Variants in CEP350 observed in about 807,000 individuals in gnomAD.
CEP350 encodes the protein centrosome-associated protein 350.
In CEP350, 126 loss-of-function variants were observed where a neutral mutation model predicts 331.8. That is an observed-to-expected ratio of 0.38 (90% CI 0.33 to 0.44). The LOEUF (loss-of-function observed/expected upper bound fraction) is 0.44. Ranked by LOEUF, CEP350 falls within the 20% of genes least tolerant of loss-of-function variation. CEP350 has a pLI of 1.00. For missense variants in CEP350, 3,406 were observed against 3,634.6 expected (o/e 0.94, Z 1.62); for synonymous variants, 1,200 against 1,259.5 (o/e 0.95, Z 1.00).
intron 1 of CEP350, among the ~76,000 whole-genome samples, chr1:179,965,415 G>A (rs766370064): frequency 2.0e-5 from 3 of 152,062 alleles, no homozygotes; most frequent in Non-Finnish European, 4.4e-5. Flanking sequence ...GGTCCGTTTG[G>A]TCAAGTGTCT....
rs541422219 is a variant in CEP350, at chr1:180,113,865, A to T, written c.*2704A>T. ...TATCTTTTAGAATAGCACTATCAGA[A>T]TTTAGCAGTAAACCAACATACAGGC... On this transcript the variant is annotated 3_prime_UTR_variant, in exon 38 of 38. Transcript: ENST00000367607. 19 of 152,764 alleles carry T rather than the reference A, an allele frequency of 1.2e-4. No individual in the cohort carries two copies. The highest frequency in any genetic ancestry group is 1.1e-3 in the Admixed American group (17 of 15,308). The allele number at this position is 152,764 out of a possible 1,614,324, so 9.5% of individuals were successfully genotyped here.
At chr1:179,975,394 A>G (rs1651784178) in intron 1 of CEP350, among the ~76,000 whole-genome samples, 1 of 152,202 alleles carries the variant, frequency 6.6e-6, no homozygotes, top group Admixed American at 6.5e-5. Flanking sequence ...TCTGTTTTAG[A>G]ACGATAACTT....
At position 180,093,874 on chromosome 1, in the gene CEP350, G is replaced by A. The variant is rs762399687; in HGVS notation, c.7769G>A (p.Cys2590Tyr). Residue 2590 changes from cysteine (C) to tyrosine (Y), a missense_variant, in exon 34 of 38, where the codon TGC becomes TAC. Cys to Tyr is a radical substitution (Grantham distance 194, BLOSUM62 -2). This residue lies in a region of CEP350 where 1,415 missense variants were observed against 1,512.3 expected (regional missense o/e 0.94). Coordinates refer to ENST00000367607, the MANE Select transcript of CEP350 (RefSeq NM_014810.5). ...EDCYSDERYQCYNQEQNDTEG... is the reference protein window; with the variant it reads ...EDCYSDERYQYYNQEQNDTEG... ...TGTTACTCAGATGAACGATATCAGT[G>A]CTATAATCAAGAGCAAAATGATACA... is the stretch of plus-strand genomic sequence containing the variant. 4 of 1,613,828 alleles carry A rather than the reference G, an allele frequency of 2.5e-6. No individual in the cohort carries two copies. The highest frequency in any genetic ancestry group is 2.5e-6 in the Non-Finnish European group (3 of 1,179,848).
intron 27 of CEP350, among the ~76,000 whole-genome samples, chr1:180,071,746 C>T (rs1211987344): frequency 2.0e-5 from 3 of 151,352 alleles, no homozygotes; most frequent in South Asian, 2.1e-4. Context: ...GGTGCCACTG[C>T]ACTCCAGCCT....
chr1:180,086,109 T>G (rs1377464452), intron 31 of CEP350, among the ~76,000 whole-genome samples: 1 of 152,152 alleles, frequency 6.6e-6, no homozygotes, highest in African/African-American at 2.4e-5. Context: ...TGTTAATAGA[T>G]CTGGAGAAAA....
At chr1:179,957,341 C>CA (rs1432278113) in intron 1 of CEP350, among the ~76,000 whole-genome samples, 1 of 152,020 alleles carries the variant, frequency 6.6e-6, no homozygotes, top group Non-Finnish European at 1.5e-5. Context: ...CAACATGAGG[C>CA]AAATTTTAGT....
chr1:180,065,142 G>A lies in CEP350; in HGVS notation c.5437G>A (p.Asp1813Asn). The A allele has an allele frequency of 6.2e-7, 1 of 1,610,622 alleles. No individual in the cohort carries two copies. Among genetic ancestry groups the A allele is most frequent in the Non-Finnish European group, 8.5e-7 (1 of 1,178,864 alleles). The change falls in exon 27 of 38, where the codon GAT becomes AAT. Residue 1813 changes from aspartate to asparagine, a missense_variant. By Grantham distance (23) the Asp-to-Asn change is conservative (BLOSUM62 1). Around this residue, in one of 5 missense-constraint regions of CEP350, gnomAD observed 1,415 missense variants for 1,512.3 expected, o/e 0.94. Coordinates refer to ENST00000367607, the MANE Select transcript of CEP350 (RefSeq NM_014810.5). ...CTCTCATAGTGATGATGATACAAAG[G>A]ATAATAAGGCAACCAGTCCTGGTCC... ...LDSHSDDDTK[D>N]NKATSPGPTD... is the part of the protein sequence containing the mutation.
intron 30 of CEP350, among the ~76,000 whole-genome samples, chr1:180,082,967 C>T (rs1282302057): frequency 2.0e-5 from 3 of 152,170 alleles, no homozygotes; most frequent in Admixed American, 6.5e-5. Context: ...TATGTCTTAA[C>T]TCAGTGTCAT....
intron 1 of CEP350, among the ~76,000 whole-genome samples, chr1:179,967,149 G>A (rs1651078603): frequency 6.6e-6 from 1 of 152,122 alleles, no homozygotes; most frequent in Admixed American, 6.5e-5. Context: ...ATTTTTGTAT[G>A]ATAAGTTATT....
chr1:180,006,549 A>G lies in CEP350; in HGVS notation c.1228A>G (p.Ser410Gly). ...AGTCCAAAAAGTAGCACAGTTATCA[A>G]GTACAGAATGCAGAACAGGTTAGTT... ...RKVQKVAQLS[S>G]TECRTGSSHL... Residue 410 changes from serine to glycine, a missense_variant, in exon 8 of 38, where the codon AGT becomes GGT. Physicochemically the swap from Ser to Gly is moderately conservative, Grantham distance 56. Around this residue, in one of 5 missense-constraint regions of CEP350, gnomAD observed 1,857 missense variants for 1,909.2 expected, o/e 0.97. Coordinates refer to ENST00000367607, the MANE Select transcript of CEP350 (RefSeq NM_014810.5). 2 of 1,524,778 alleles carry G rather than the reference A, an allele frequency of 1.3e-6. No homozygotes were observed. The highest frequency in any genetic ancestry group is 1.9e-5 in the Admixed American group (1 of 51,470). The allele number at this position is 1,524,778 out of a possible 1,614,324, so 94.5% of individuals were successfully genotyped here.
At chr1:180,035,807 A>C (rs1245597521) in intron 16 of CEP350, among the ~76,000 whole-genome samples, 1 of 152,194 alleles carries the variant, frequency 6.6e-6, no homozygotes, top group Non-Finnish European at 1.5e-5. Context: ...TATGTCCCCT[A>C]ACACAAAGTC....
intron 11 of CEP350, among the ~76,000 whole-genome samples, chr1:180,019,054 G>A (rs780376149): frequency 9.2e-5 from 14 of 151,936 alleles, no homozygotes; most frequent in Admixed American, 2.0e-4. Context: ...GATGAGTTTC[G>A]CCATTTTGCC....
intron 5 of CEP350, among the ~76,000 whole-genome samples, chr1:179,995,128 C>T (rs765904340): frequency 2.0e-5 from 3 of 152,214 alleles, no homozygotes; most frequent in Non-Finnish European, 4.4e-5. Flanking sequence ...CGATTAGCCA[C>T]ATATCATGTG....
chr1:180,058,260 ACTGT>A (rs1387874840), intron 25 of CEP350, among the ~76,000 whole-genome samples: 9 of 152,232 alleles, frequency 5.9e-5, no homozygotes, highest in Admixed American at 2.0e-4. Flanking sequence ...AGATATCAAC[ACTGT>A]CTGTAGAGAT....
At chr1:180,022,557 A>G in intron 12 of CEP350, 141 bp from the exon 13 acceptor site, 1 of 633,754 alleles carries the variant, frequency 1.6e-6, no homozygotes. Context: ...CATTGGATAT[A>G]AAGGTAAATA....
In CEP350 at chr1:180,042,165, C is replaced by CACAT. The variant is rs1553258538; in HGVS notation, c.4362+364_4362+367dup. Among the ~76,000 whole-genome samples the CACAT allele has an allele frequency of 6.8e-4, 103 of 151,630 alleles. 3 individuals carry two copies. The South Asian group carries it at 0.02, about 30-fold the overall frequency. On this transcript the variant is annotated intron_variant, in intron 19 of 37. Coordinates refer to ENST00000367607, the MANE Select transcript of CEP350 (RefSeq NM_014810.5). Reference sequence around the variant, plus strand: ...ACACACACACACACACACACACACACACATCTCCCTATAACCATCACCACA... The same window carrying CACAT: ...ACACACACACACACACACACACACACACATACATCTCCCTATAACCATCACCACA...
At chr1:180,071,136 G>A (rs1252431275) in intron 27 of CEP350, among the ~76,000 whole-genome samples, 3 of 121,422 alleles carry the variant, frequency 2.5e-5, no homozygotes, top group Admixed American at 9.8e-5. Context: ...GACAGAGCAC[G>A]ACTCCATCTC....
rs1487429804 is a variant in CEP350 at position 180,054,292 on chromosome 1, G to A, written c.5175-123G>A. 6.1e-6 allele frequency: 5 copies of A among 816,188 alleles called. No homozygotes were observed. The African/African-American group carries it at 8.6e-5, about 14-fold the overall frequency. 50.6% of individuals were successfully genotyped at this position (816,188 alleles called of 1,614,324 possible). On this transcript the variant is annotated intron_variant, in intron 24 of 37. Transcript: ENST00000367607. ...ATGGTTACGGCTACATGTAGCAACT[G>A]CTTTTCACATTTGAAAATGTTAAAT...
intron 5 of CEP350, among the ~76,000 whole-genome samples, chr1:179,994,075 T>C (rs1429280525): frequency 6.6e-6 from 1 of 152,200 alleles, no homozygotes; most frequent in African/African-American, 2.4e-5. Context: ...ATTAAATAAA[T>C]ATTTTTTCCT....
Sources: gnomAD v4.1 joint callset for allele counts (sites outside exome capture counted in the v4.1 genomes callset) on GRCh38, gnomAD v4.1.1 for gene constraint, gnomAD v4.1.1 regional missense constraint, MANE v1.5 for transcripts, NCBI Gene and HGNC (gene_info 2026-07-23, HGNC 2026-07-21) for gene names.